Variants in DCC observed in about 807,000 individuals in gnomAD.
The protein encoded by DCC is netrin receptor DCC.
Under a neutral mutation model 172.5 loss-of-function variants are expected in DCC, and 58 were observed. The ratio of observed to expected loss-of-function variants is 0.34; its 90% CI spans 0.27 to 0.42. The LOEUF is 0.42. Among genes scored for constraint, DCC ranks in the 10% least tolerant of loss-of-function variants. The probability of loss-of-function intolerance (pLI) is 1.00; values close to 1 mark genes in which losing one functional copy is unlikely to be tolerated. For synonymous variants in DCC, 709 were observed against 644.5 expected, an observed-to-expected ratio of 1.10 and a Z score of -1.52; for missense variants, 1,740 against 1,791.0, an observed-to-expected ratio of 0.97 and a Z score of 0.51.
At chr18:53,486,631 C>A (rs1373089748) in intron 25 of DCC, among the ~76,000 whole-genome samples, 166 bp from the exon 26 acceptor site, 2 of 152,100 alleles carry the variant, frequency 1.3e-5, no homozygotes, top group East Asian at 3.8e-4. Context: ...GCTGTCTTTT[C>A]TAAAGTAAAA....
intron 1 of DCC, among the ~76,000 whole-genome samples, chr18:52,356,382 C>T (rs984409664): frequency 5.3e-5 from 8 of 151,948 alleles, no homozygotes; most frequent in Middle Eastern, 3.4e-3. Flanking sequence ...AACTTTGGTT[C>T]AGGATGCCAA....
chr18:52,415,630 A>G (rs1014775731), intron 1 of DCC, among the ~76,000 whole-genome samples: 2 of 152,100 alleles, frequency 1.3e-5, no homozygotes, highest in Admixed American at 6.6e-5. Flanking sequence ...TTGCGAGAGT[A>G]TGGAGAGGTG....
At position 52,925,315 on chromosome 18, in the gene DCC, T is replaced by C. The variant is rs960690655; in HGVS notation, c.930T>C (p.Cys310=). 2.5e-6 allele frequency: 4 copies of C among 1,612,508 alleles called. No individual in the cohort carries two copies. Among genetic ancestry groups the C allele is most frequent in the African/African-American group, 2.7e-5 (2 of 74,852 alleles). ...VTDDDSGMYT[C]VVTYKNENIS... ...ATGATGACAGTGGAATGTATACCTG[T>C]GTTGTCACATATAAAAATGAGAATA... The change falls in exon 5 of 29, where the codon TGT becomes TGC. Residue 310 remains cysteine (C), a synonymous_variant. Coordinates refer to ENST00000442544, the MANE Select transcript of DCC (RefSeq NM_005215.4).
intron 1 of DCC, among the ~76,000 whole-genome samples, chr18:52,688,746 A>G (rs1186001349): frequency 6.6e-6 from 1 of 152,096 alleles, no homozygotes; most frequent in African/African-American, 2.4e-5. Flanking sequence ...ATACCATCAC[A>G]TGTTATACCT....
intron 24 of DCC, among the ~76,000 whole-genome samples, chr18:53,462,846 C>A (rs2045576905): frequency 6.6e-6 from 1 of 152,154 alleles, no homozygotes; most frequent in South Asian, 2.1e-4. Context: ...GGACTGAAGC[C>A]CAGCCAACTT....
At position 53,351,301 on chromosome 18, in the gene DCC, A is replaced by ATATATATATATATATACACAGTG. The variant is rs1568074457; in HGVS notation, c.2359+11408_2359+11409insTACACAGTGTATATATATATATA. Reference sequence around the variant, plus strand: ...TTCTCATTGAGTACAGTATATATATATATATATATATATACACTGTATATA... The same window carrying ATATATATATATATATACACAGTG: ...TTCTCATTGAGTACAGTATATATATATATATATATATATATACACAGTGTATATATATATATACACTGTATATA... On this transcript the variant is annotated intron_variant, in intron 15 of 28. Coordinates refer to ENST00000442544, the MANE Select transcript of DCC (RefSeq NM_005215.4). Among the ~76,000 whole-genome samples, 16 of 29,566 alleles carry ATATATATATATATATACACAGTG rather than the reference A, an allele frequency of 5.4e-4. 1 individual carries two copies. The highest frequency in any genetic ancestry group is 1.0e-3 in the African/African-American group (16 of 15,858). 19.4% of individuals were successfully genotyped at this position (29,566 alleles called of 152,430 possible). A position where few individuals can be genotyped will look rare whatever the true frequency, so the allele number is the denominator to read the frequency against.
intron 2 of DCC, among the ~76,000 whole-genome samples, chr18:52,875,857 G>T (rs2039396044): frequency 6.6e-6 from 1 of 151,868 alleles, no homozygotes. Flanking sequence ...ACAGAGGCTG[G>T]TTCCTGGACC....
intron 1 of DCC, among the ~76,000 whole-genome samples, chr18:52,519,998 C>T (rs2031762161): frequency 6.6e-6 from 1 of 152,154 alleles, no homozygotes; most frequent in Non-Finnish European, 1.5e-5. Flanking sequence ...CAGTTAATGG[C>T]AAGTTATTTT....
intron 5 of DCC, among the ~76,000 whole-genome samples, chr18:53,014,708 C>A (rs571076527): frequency 1.1e-4 from 17 of 152,066 alleles, no homozygotes; most frequent in African/African-American, 3.6e-4. Flanking sequence ...AGAAGGCTCA[C>A]GTGTTCAAGT....
intron 1 of DCC, among the ~76,000 whole-genome samples, chr18:52,596,450 C>T (rs1286865915): frequency 6.6e-6 from 1 of 152,156 alleles, no homozygotes; most frequent in African/African-American, 2.4e-5. Flanking sequence ...CACTGAACCT[C>T]GTGATCATTG....
intron 15 of DCC, among the ~76,000 whole-genome samples, chr18:53,378,315 G>T (rs183508633): frequency 2.6e-5 from 4 of 152,078 alleles, no homozygotes; most frequent in Non-Finnish European, 4.4e-5. Context: ...GGAAAATAAT[G>T]GTTTTTGTTT....
chr18:53,465,254 T>C (rs932660806), intron 24 of DCC, among the ~76,000 whole-genome samples: 5 of 152,088 alleles, frequency 3.3e-5, no homozygotes, highest in Admixed American at 1.3e-4. Context: ...TTTTTTTTTT[T>C]TGATGGTTTA....
intron 25 of DCC, among the ~76,000 whole-genome samples, chr18:53,484,058 A>G (rs1470337558): frequency 1.3e-5 from 2 of 151,838 alleles, no homozygotes; most frequent in Non-Finnish European, 2.9e-5. Context: ...TAACAATGAG[A>G]TCTTTATAGC....
At chr18:52,787,785 T>C (rs559789561) in intron 2 of DCC, among the ~76,000 whole-genome samples, 4 of 152,098 alleles carry the variant, frequency 2.6e-5, no homozygotes, top group Non-Finnish European at 5.9e-5. Context: ...CAGATTACCA[T>C]AAATTATTTA....
chr18:53,139,735 C>G (rs567632214), intron 7 of DCC, among the ~76,000 whole-genome samples: 1 of 151,772 alleles, frequency 6.6e-6, no homozygotes, highest in South Asian at 2.1e-4. Flanking sequence ...TGGTATGTGG[C>G]AGAGGCAGTT....
intron 7 of DCC, among the ~76,000 whole-genome samples, chr18:53,067,135 T>A (rs2042582888): frequency 6.6e-6 from 1 of 152,056 alleles, no homozygotes; most frequent in African/African-American, 2.4e-5. Flanking sequence ...ATCAAAAGGA[T>A]CTTGAAAAAT....
In DCC at chr18:52,564,466, T is replaced by C. The variant is rs550734019; in HGVS notation, c.92-187588T>C. 1.5e-3 allele frequency among the ~76,000 whole-genome samples: 232 copies of C among 152,234 alleles called. 1 individual carries two copies. Among genetic ancestry groups the C allele is most frequent in the South Asian group, 5.8e-3 (28 of 4,828 alleles). Reference sequence around the variant, plus strand: ...AACTGTGGCAGTAAGAAGTAATATATACCTAATCTCATAATTTTGTCCTCT... The same window carrying C: ...AACTGTGGCAGTAAGAAGTAATATACACCTAATCTCATAATTTTGTCCTCT... On this transcript the variant is annotated intron_variant, in intron 1 of 28. Transcript: ENST00000442544.
chr18:53,066,355 A>ATG (rs539773214), intron 7 of DCC, among the ~76,000 whole-genome samples, 189 bp downstream of exon 7: 4,354 of 21,846 alleles, frequency 0.2, 50 homozygotes, highest in African/African-American at 0.3. Context: ...ACATGTGTGT[A>ATG]TATATATATA....
At chr18:53,159,006 G>A (rs66563806) in intron 8 of DCC, among the ~76,000 whole-genome samples, 67,790 of 125,150 alleles carry the variant, frequency 0.54, 19,746 homozygotes, top group South Asian at 0.72. Flanking sequence ...AAAAAAAAAA[G>A]AAGAAGATGT....
Sources: allele counts gnomAD v4.1 joint callset (sites outside exome capture counted in the v4.1 genomes callset), GRCh38; gene constraint gnomAD v4.1.1; transcripts MANE v1.5; gene names NCBI Gene and HGNC (gene_info 2026-07-23, HGNC 2026-07-21).